Variants in TYSND1 observed in about 807,000 individuals in gnomAD.
The protein encoded by TYSND1 is trypsin like peroxisomal matrix peptidase 1.
In TYSND1, 30 loss-of-function variants were observed where a neutral mutation model predicts 37.2. The ratio of observed to expected loss-of-function variants is 0.81; its 90% CI spans 0.60 to 1.09. The LOEUF (loss-of-function observed/expected upper bound fraction) is 1.09. TYSND1 is among the 50% of genes least tolerant of loss of function. TYSND1 has a pLI of 0.00. For synonymous variants in TYSND1, 364 were observed against 383.8 expected (o/e 0.95, Z 0.60); for missense variants, 806 against 817.4 (o/e 0.99, Z 0.17).
Position 70,142,827 on chromosome 10 carries a change from C to T in TYSND1, c.1324G>A (p.Gly442Ser), listed in dbSNP as rs74521659. The change falls in exon 3 of 4, where the codon GGC becomes AGC. Residue 442 changes from glycine to serine, a missense_variant. Gly to Ser is a moderately conservative substitution (Grantham distance 56). Transcript: ENST00000287078. ...EGEAVSVVGF[G>S]VFGQSCGPSV... ...GGCCCGCAAGACTGGCCAAAGACGC[C>T]AAAGCCCACCACACTCACAGCCTCG... 1 of 1,613,936 alleles carries T rather than the reference C, an allele frequency of 6.2e-7. No individual in the cohort carries two copies. Among genetic ancestry groups the T allele is most frequent in the Non-Finnish European group, 8.5e-7 (1 of 1,179,922 alleles).
At position 70,139,988 on chromosome 10, in the gene TYSND1, T is replaced by G; in HGVS notation, c.1637A>C (p.Glu546Ala). 1.2e-6 allele frequency: 2 copies of G among 1,614,176 alleles called. No individual in the cohort carries two copies. The highest frequency in any genetic ancestry group is 1.7e-4 in the Middle Eastern group (1 of 6,032). ...GGLRELDRAA[E>A]PVRVVWRLQR... ...CAACCGCCACACCACCCTGACTGGC[T>G]CAGCAGCGCGGTCCAGCTCACGGAG... is the stretch of plus-strand genomic sequence containing the variant. The change falls in exon 4 of 4, where the codon GAG (glutamate) becomes GCG (alanine). Residue 546 changes from glutamate (E) to alanine (A), a missense_variant. Glu to Ala is a moderately radical substitution (Grantham distance 107, BLOSUM62 -1). Around this residue, in one of 3 missense-constraint regions of TYSND1, gnomAD observed 708 missense variants for 705.4 expected, o/e 1.00. Transcript: ENST00000287078.
chr10:70,146,417 AG>A lies in TYSND1; in HGVS notation c.169del (p.Leu57CysfsTer8), dbSNP rs776120115. The A allele has an allele frequency of 4.4e-6, 7 of 1,600,256 alleles. No homozygotes were observed. In the East Asian group the frequency reaches 1.6e-4, roughly 36 times the overall value. ...GGTCAGGACTTCGCTGCCAGCTCGC[AG>A]GAAGGGGACGAAGATGCCCCCGTGG... ...LCHGGIFVPF[L>X]RAGSEVLTAA... On this transcript the variant is annotated frameshift_variant, in exon 1 of 4. Coordinates refer to ENST00000287078, the MANE Select transcript of TYSND1 (RefSeq NM_173555.4). LOFTEE classifies it high-confidence loss of function.
intron 3 of TYSND1, among the ~76,000 whole-genome samples, chr10:70,142,335 C>G (rs980597042): frequency 6.6e-6 from 1 of 152,196 alleles, no homozygotes; most frequent in Admixed American, 6.5e-5. Flanking sequence ...CCTCCCCTCC[C>G]TGTTGTCTTC....
chr10:70,139,875 C>T lies in TYSND1; in HGVS notation c.*49G>A, dbSNP rs752344565. On this transcript the variant is annotated 3_prime_UTR_variant, in exon 4 of 4. Transcript: ENST00000287078. ...GGCCACCGTCACCTCAACATCACTT[C>T]CTACAGCAGAAAAAGGTCACTCTTC... 12 of 1,564,442 alleles carry T rather than the reference C, an allele frequency of 7.7e-6. No homozygotes were observed. In the Admixed American group the frequency reaches 1.9e-4, roughly 24 times the overall value.
intron 3 of TYSND1, 113 bp downstream of exon 3, chr10:70,142,555 T>C: frequency 1.9e-6 from 2 of 1,026,724 alleles, no homozygotes; most frequent in Non-Finnish European, 2.8e-6. Context: ...TCACTCATAA[T>C]GCCCACCATT....
At chr10:70,141,680 T>G (rs993685641) in intron 3 of TYSND1, among the ~76,000 whole-genome samples, 16 of 152,266 alleles carry the variant, frequency 1.1e-4, no homozygotes, top group Admixed American at 3.9e-4. Context: ...TGAGGTGGTA[T>G]CTGCCAGGCC....
Position 70,138,103 on chromosome 10 carries a change from C to A in TYSND1, c.*1821G>T, listed in dbSNP as rs2072696664. Reference sequence around the variant, plus strand: ...TTCCGTGCCCTCCCTGGGCACGCCACACTCCAGGAAGTGCCAGGTGTTCAG... The same window carrying A: ...TTCCGTGCCCTCCCTGGGCACGCCAAACTCCAGGAAGTGCCAGGTGTTCAG... On this transcript the variant is annotated 3_prime_UTR_variant, in exon 4 of 4. Coordinates refer to ENST00000287078, the MANE Select transcript of TYSND1 (RefSeq NM_173555.4). 1 of 152,348 alleles carries A rather than the reference C, an allele frequency of 6.6e-6. No homozygotes were observed. Among genetic ancestry groups the A allele is most frequent in the African/African-American group, 2.4e-5 (1 of 41,564 alleles). The allele number at this position is 152,348 out of a possible 1,614,324, so 9.4% of individuals were successfully genotyped here.
chr10:70,139,989 C>A lies in TYSND1; in HGVS notation c.1636G>T (p.Glu546Ter). 6.2e-7 allele frequency: 1 copy of A among 1,614,188 alleles called. No homozygotes were observed. Among genetic ancestry groups the A allele is most frequent in the Non-Finnish European group, 8.5e-7 (1 of 1,180,030 alleles). Residue 546 changes from glutamate to a stop codon, truncating the protein, a stop_gained, in exon 4 of 4, where the codon GAG becomes TAG. Coordinates refer to ENST00000287078, the MANE Select transcript of TYSND1 (RefSeq NM_173555.4). LOFTEE classifies it high-confidence loss of function. ...GGLRELDRAA[E>*]PVRVVWRLQR... The stretch of plus-strand genomic sequence containing the variant: ...AACCGCCACACCACCCTGACTGGCT[C>A]AGCAGCGCGGTCCAGCTCACGGAGG...
chr10:70,142,969 T>C, intron 2 of TYSND1, 116 bp from the exon 3 acceptor site: 1 of 1,236,084 alleles, frequency 8.1e-7, no homozygotes, highest in Non-Finnish European at 1.1e-6. Context: ...ACCCTTCAAG[T>C]TTCTGCTCAG....
chr10:70,145,381 C>T, intron 1 of TYSND1, 40 bp downstream of exon 1: 1 of 1,364,490 alleles, frequency 7.3e-7, no homozygotes, highest in Non-Finnish European at 9.5e-7. Flanking sequence ...AGATCTGAGA[C>T]CTGGAAAGGG....
chr10:70,144,680 G>A, intron 1 of TYSND1: 1 of 985,906 alleles, frequency 1.0e-6, no homozygotes, highest in Non-Finnish European at 1.2e-6. Flanking sequence ...TGGGGGGAGT[G>A]GAAGGAATCT....
At chr10:70,141,927 G>A (rs2072783092) in intron 3 of TYSND1, among the ~76,000 whole-genome samples, 1 of 152,052 alleles carries the variant, frequency 6.6e-6, no homozygotes, top group Admixed American at 6.5e-5. Context: ...CTCTTTGTAA[G>A]TACTAAATAT....
At position 70,146,245 on chromosome 10, in the gene TYSND1, C is replaced by A. The variant is rs1197596282; in HGVS notation, c.342G>T (p.Glu114Asp). 6.7e-7 allele frequency: 1 copy of A among 1,483,776 alleles called. No individual in the cohort carries two copies. The highest frequency in any genetic ancestry group is 1.3e-5 in the South Asian group (1 of 74,250). 91.9% of individuals were successfully genotyped at this position (1,483,776 alleles called of 1,614,324 possible). A position where few individuals can be genotyped will look rare whatever the true frequency, so the allele number is the denominator to read the frequency against. Residue 114 changes from glutamate to aspartate, a missense_variant, in exon 1 of 4, where the codon GAG (glutamate) becomes GAT (aspartate). Coordinates refer to ENST00000287078, the MANE Select transcript of TYSND1 (RefSeq NM_173555.4). ...CGCGGGACGGGGCAGGTGGGCCGGG[C>A]TCGAGGCTCGCGCACTGGGGCGTGC... ...GLCTPQCASL[E>D]PGPPAPSRGR...
chr10:70,141,104 C>A (rs1158714429), intron 3 of TYSND1, among the ~76,000 whole-genome samples: 2 of 150,910 alleles, frequency 1.3e-5, no homozygotes, highest in East Asian at 3.9e-4. Context: ...CCCGCCTCAG[C>A]CTCCCTAAAA....
In TYSND1 at chr10:70,138,572, C is replaced by CA. The variant is rs1274135800; in HGVS notation, c.*1351dup. The CA allele has an allele frequency of 1.3e-5, 2 of 152,552 alleles. No homozygotes were observed. Among genetic ancestry groups the CA allele is most frequent in the African/African-American group, 2.4e-5 (1 of 41,600 alleles). The allele number at this position is 152,552 out of a possible 1,614,324, so 9.4% of individuals were successfully genotyped here. A position where few individuals can be genotyped will look rare whatever the true frequency, so the allele number is the denominator to read the frequency against. On this transcript the variant is annotated 3_prime_UTR_variant, in exon 4 of 4. Transcript: ENST00000287078. ...CTGGGCACACGGCACAGTCCTGACT[C>CA]AAAGAGTTGGCCTCAGCTCCTGGGG...
intron 3 of TYSND1, 46 bp from the exon 4 acceptor site, chr10:70,140,187 G>T: frequency 6.6e-7 from 1 of 1,511,672 alleles, no homozygotes; most frequent in South Asian, 1.2e-5. Flanking sequence ...CCAGGGGGCA[G>T]AAAGGCTGGA....
chr10:70,144,063 G>C, intron 1 of TYSND1, 91 bp from the exon 2 acceptor site: 4 of 1,538,520 alleles, frequency 2.6e-6, no homozygotes, highest in Non-Finnish European at 3.5e-6. Flanking sequence ...GTAAAAGTCA[G>C]AAGATCTGGG....
Position 70,139,750 on chromosome 10 carries a change from G to C in TYSND1, c.*174C>G. On this transcript the variant is annotated 3_prime_UTR_variant, in exon 4 of 4. Coordinates refer to ENST00000287078, the MANE Select transcript of TYSND1 (RefSeq NM_173555.4). ...TGCCAGGTTAAGGATCCATGGGGCTGAAGAGAAGTTTGCCCCAGAGCCCAA... is the reference window on the plus strand; with the variant it reads ...TGCCAGGTTAAGGATCCATGGGGCTCAAGAGAAGTTTGCCCCAGAGCCCAA... 1 of 629,870 alleles carries C rather than the reference G, an allele frequency of 1.6e-6. No individual in the cohort carries two copies. The highest frequency in any genetic ancestry group is 2.0e-5 in the South Asian group (1 of 49,548). The allele number at this position is 629,870 out of a possible 1,614,324, so 39.0% of individuals were successfully genotyped here.
Position 70,145,511 on chromosome 10 carries a change from C to G in TYSND1, c.1076G>C (p.Gly359Ala), listed in dbSNP as rs763767465. 6 of 1,531,082 alleles carry G rather than the reference C, an allele frequency of 3.9e-6. No homozygotes were observed. The East Asian group carries it at 1.6e-4, about 40-fold the overall frequency. The allele number at this position is 1,531,082 out of a possible 1,614,324, so 94.8% of individuals were successfully genotyped here. A position where few individuals can be genotyped will look rare whatever the true frequency, so the allele number is the denominator to read the frequency against. ...LVECGTVWGS[G>A]VAVAPRLVVT... ...TACAAGGCGGGGTGCCACAGCCACT[C>G]CGGAGCCCCATACGGTGCCGCACTC... Residue 359 changes from glycine (G) to alanine (A), a missense_variant, in exon 1 of 4, where the codon GGA becomes GCA. This residue lies in a region of TYSND1 where 708 missense variants were observed against 705.4 expected (regional missense o/e 1.00). Coordinates refer to ENST00000287078, the MANE Select transcript of TYSND1 (RefSeq NM_173555.4).
Sources: allele counts gnomAD v4.1 joint callset (sites outside exome capture counted in the v4.1 genomes callset), GRCh38; gene constraint gnomAD v4.1.1; regional missense constraint gnomAD v4.1.1; transcripts MANE v1.5; gene names NCBI Gene and HGNC (gene_info 2026-07-23, HGNC 2026-07-21).